Variants in KLHL8 observed in about 807,000 individuals in gnomAD.
The protein encoded by KLHL8 is kelch-like protein 8.
KLHL8 carries 38 observed loss-of-function variants against 63.5 expected under a neutral mutation model. That is an observed-to-expected ratio of 0.60 (90% confidence interval 0.46 to 0.78). KLHL8 has a LOEUF of 0.78. KLHL8 is among the 30% of genes least tolerant of loss of function. The probability of loss-of-function intolerance (pLI) is 0.00; values close to 1 mark genes in which losing one functional copy is unlikely to be tolerated. For synonymous variants in KLHL8, 224 were observed against 254.3 expected (o/e 0.88, Z 1.13); for missense variants, 566 against 752.4 (o/e 0.75, Z 2.90).
chr4:87,207,178 C>T (rs952342721), intron 1 of KLHL8: 34 of 569,466 alleles, frequency 6.0e-5, no homozygotes, highest in Admixed American at 9.7e-5. Flanking sequence ...TGGATATTGT[C>T]GCCATCAATG....
At chr4:87,208,610 C>A (rs924353603) in intron 1 of KLHL8, among the ~76,000 whole-genome samples, 1 of 152,080 alleles carries the variant, frequency 6.6e-6, no homozygotes, top group African/African-American at 2.4e-5. Context: ...AATGCGGGGA[C>A]TACAGGCCTG....
intron 2 of KLHL8, among the ~76,000 whole-genome samples, chr4:87,191,399 TTGCCATGACC>T (rs1177622228): frequency 1.3e-5 from 2 of 151,938 alleles, no homozygotes; most frequent in Non-Finnish European, 2.9e-5. Flanking sequence ...GAGGTGGAGG[TTGCCATGACC>T]CATGACTGCA....
chr4:87,197,177 C>T (rs961717010), intron 1 of KLHL8, among the ~76,000 whole-genome samples: 2 of 152,160 alleles, frequency 1.3e-5, no homozygotes, highest in Non-Finnish European at 2.9e-5. Context: ...ATATAATCCC[C>T]TTGCATGCAG....
chr4:87,231,467 G>A (rs1733136535), intron 1 of KLHL8, among the ~76,000 whole-genome samples: 1 of 152,198 alleles, frequency 6.6e-6, no homozygotes. Flanking sequence ...ATGGCAGTGG[G>A]AGAATGATGT....
At chr4:87,218,735 C>CT (rs936054288) in intron 1 of KLHL8, among the ~76,000 whole-genome samples, 10 of 151,490 alleles carry the variant, frequency 6.6e-5, no homozygotes, top group South Asian at 2.1e-4. Flanking sequence ...TATCCTTAGA[C>CT]TTTTTTTTTC....
intron 1 of KLHL8, chr4:87,219,820 T>G (rs1732751798): frequency 6.6e-6 from 1 of 152,282 alleles, no homozygotes; most frequent in South Asian, 2.1e-4. Context: ...ACACCGCCGC[T>G]CCCGGGAAGG....
At chr4:87,201,897 G>C (rs1312778756) in intron 1 of KLHL8, among the ~76,000 whole-genome samples, 2 of 152,026 alleles carry the variant, frequency 1.3e-5, no homozygotes, top group Non-Finnish European at 2.9e-5. Flanking sequence ...TAAAAAAGCA[G>C]CTTAGGTGAA....
intron 2 of KLHL8, 52 bp from the exon 3 acceptor site, chr4:87,185,851 G>C (rs1731234275): frequency 2.1e-6 from 3 of 1,435,392 alleles, no homozygotes; most frequent in Non-Finnish European, 2.8e-6. Context: ...ATCAGCTTCA[G>C]GTCAGCATTT....
At chr4:87,229,935 C>T (rs1254166280) in intron 1 of KLHL8, among the ~76,000 whole-genome samples, 1 of 152,084 alleles carries the variant, frequency 6.6e-6, no homozygotes, top group African/African-American at 2.4e-5. Context: ...CGTTTTACCT[C>T]CCTCCCTTCT....
chr4:87,167,742 C>G, intron 8 of KLHL8: 1 of 320,564 alleles, frequency 3.1e-6, no homozygotes, highest in Admixed American at 3.7e-5. Flanking sequence ...TGATCCTGAG[C>G]TGAGGAGTAG....
At chr4:87,168,890 T>C (rs551846215) in intron 8 of KLHL8, among the ~76,000 whole-genome samples, 3 of 150,620 alleles carry the variant, frequency 2.0e-5, no homozygotes, top group African/African-American at 7.3e-5. Flanking sequence ...TTGTTAGCAA[T>C]GCCTTTTTTT....
At chr4:87,181,954 C>T (rs957443968) in intron 4 of KLHL8, among the ~76,000 whole-genome samples, 4 of 152,028 alleles carry the variant, frequency 2.6e-5, no homozygotes, top group African/African-American at 9.7e-5. Flanking sequence ...TTGGGCCGGG[C>T]GCGATGACTC....
intron 1 of KLHL8, chr4:87,219,954 G>A (rs1256120045): frequency 6.6e-6 from 1 of 150,608 alleles, no homozygotes; most frequent in African/African-American, 2.4e-5. Context: ...CGGCTCCAGG[G>A]GGCGTCCGGC....
At chr4:87,168,660 G>GTA (rs1025173851) in intron 8 of KLHL8, among the ~76,000 whole-genome samples, 5 of 146,208 alleles carry the variant, frequency 3.4e-5, no homozygotes, top group African/African-American at 7.7e-5. Flanking sequence ...ATATATATAT[G>GTA]TATATATATG....
At chr4:87,207,354 T>C (rs1578394685) in intron 1 of KLHL8, 1 of 644,602 alleles carries the variant, frequency 1.6e-6, no homozygotes, top group Non-Finnish European at 2.9e-6. Flanking sequence ...GGGGCAATGC[T>C]GACGCTGAGT....
intron 8 of KLHL8, among the ~76,000 whole-genome samples, chr4:87,164,465 T>TAAA (rs1730299605): frequency 6.6e-6 from 1 of 152,208 alleles, no homozygotes; most frequent in African/African-American, 2.4e-5. Context: ...TATTATATCT[T>TAAA]AAACAGTAAG....
chr4:87,226,421 G>A (rs1245534463), intron 1 of KLHL8, among the ~76,000 whole-genome samples: 1 of 149,838 alleles, frequency 6.7e-6, no homozygotes, highest in South Asian at 2.1e-4. Context: ...AAATTAGCCG[G>A]GCATGGCGGT....
chr4:87,188,669 G>C (rs1428730790), intron 2 of KLHL8, among the ~76,000 whole-genome samples: 2 of 152,044 alleles, frequency 1.3e-5, no homozygotes, highest in Non-Finnish European at 2.9e-5. Context: ...ATGTTATATA[G>C]TTAATTACAT....
intron 8 of KLHL8, among the ~76,000 whole-genome samples, chr4:87,168,123 T>C (rs1207982654): frequency 6.6e-6 from 1 of 152,216 alleles, no homozygotes; most frequent in Non-Finnish European, 1.5e-5. Context: ...CTGCTGTTAC[T>C]TGGTTTTGCC....
Sources: gnomAD v4.1 joint callset for allele counts (sites outside exome capture counted in the v4.1 genomes callset) on GRCh38, gnomAD v4.1.1 for gene constraint, MANE v1.5 for transcripts, NCBI Gene and HGNC (gene_info 2026-07-23, HGNC 2026-07-21) for gene names.